RBM22: variants seen among roughly 807,000 people sequenced by gnomAD.
The protein encoded by RBM22 is pre-mRNA-splicing factor RBM22.
A neutral mutation model predicts 50.1 loss-of-function variants in RBM22; 1 was observed. The observed-to-expected ratio is 0.02, with a 90% CI of 0.01 to 0.09. The LOEUF (loss-of-function observed/expected upper bound fraction) is 0.09. RBM22 is among the 10% of genes least tolerant of loss of function. The pLI is 1.00. For missense variants in RBM22, 264 were observed against 529.3 expected (o/e 0.50, Z 4.92); for synonymous variants, 152 against 179.0 (o/e 0.85, Z 1.20).
At position 150,693,315 on chromosome 5, in the gene RBM22, A is replaced by G. The variant is rs1457643854; in HGVS notation, c.912-8T>C. 2 of 1,607,776 alleles carry G rather than the reference A, an allele frequency of 1.2e-6. No homozygotes were observed. The highest frequency in any genetic ancestry group is 2.2e-5 in the East Asian group (1 of 44,856). On this transcript the variant is annotated splice_region_variant and splice_polypyrimidine_tract_variant and intron_variant, in intron 8 of 10. Transcript: ENST00000199814. ...CCTCTGGCTGCCTGGGATCTGGGAA[A>G]CACACATGCATACAGTCGGCACTCT...
intron 3 of RBM22, 140 bp downstream of exon 3, chr5:150,699,102 T>A: frequency 1.7e-6 from 2 of 1,200,420 alleles, no homozygotes; most frequent in South Asian, 3.0e-5. Context: ...TGCCAGCCAA[T>A]GAATATATCA....
intron 4 of RBM22, chr5:150,697,790 C>T (rs963991892): frequency 1.1e-4 from 33 of 302,554 alleles, no homozygotes; most frequent in Non-Finnish European, 2.0e-4. Flanking sequence ...AAAACAGTCA[C>T]CTATGGTTAA....
At chr5:150,698,675 C>G in intron 3 of RBM22, 44 bp from the exon 4 acceptor site, 1 of 1,602,122 alleles carries the variant, frequency 6.2e-7, no homozygotes, top group Non-Finnish European at 8.5e-7. Flanking sequence ...TGGTCCTGAT[C>G]TGGGCAATCT....
intron 7 of RBM22, chr5:150,694,453 T>G: frequency 1.4e-6 from 1 of 699,634 alleles, no homozygotes; most frequent in Non-Finnish European, 2.1e-6. Context: ...TAAATAAAGG[T>G]TCTCAAACAT....
chr5:150,692,100 G>A (rs137883492), intron 10 of RBM22, among the ~76,000 whole-genome samples: 4 of 152,248 alleles, frequency 2.6e-5, no homozygotes, highest in African/African-American at 9.6e-5. Context: ...TCAAGGTATC[G>A]CCTAGTATGT....
In RBM22 at chr5:150,698,467, A is replaced by G. The variant is rs771038236; in HGVS notation, c.271+32T>C. 3.0e-5 allele frequency: 48 copies of G among 1,607,942 alleles called. 2 individuals carry two copies. The highest frequency in any genetic ancestry group is 1.8e-4 in the South Asian group (16 of 90,726). ...GACTTGTAGTTTTAGGCACCTGCAC[A>G]CTTTCAGATTTATTGGACAGGTCAA... On this transcript the variant is annotated intron_variant, in intron 4 of 10. Coordinates refer to ENST00000199814, the MANE Select transcript of RBM22 (RefSeq NM_018047.3).
At chr5:150,695,152 A>C (rs1759259238) in intron 7 of RBM22, among the ~76,000 whole-genome samples, 1 of 152,094 alleles carries the variant, frequency 6.6e-6, no homozygotes, top group Non-Finnish European at 1.5e-5. Context: ...TCAGCCTCCC[A>C]AACAGCTGGG....
rs769440097 is a variant in RBM22, at chr5:150,699,222, T to C, written c.138+20A>G. The C allele has an allele frequency of 1.3e-6, 2 of 1,583,128 alleles. No individual in the cohort carries two copies. The highest frequency in any genetic ancestry group is 4.5e-5 in the East Asian group (2 of 44,254). The stretch of plus-strand genomic sequence containing the variant: ...AGAAAAATGAAACAGAAATCATTAC[T>C]CTTTAACAGACATACTTACTTTGCA... On this transcript the variant is annotated intron_variant, in intron 3 of 10. Transcript: ENST00000199814.
intron 2 of RBM22, 75 bp from the exon 3 acceptor site, chr5:150,699,346 C>T: frequency 6.8e-7 from 1 of 1,481,144 alleles, no homozygotes; most frequent in Non-Finnish European, 9.0e-7. Context: ...TTTCCTTAAA[C>T]ATAACCCAAG....
rs745949198 is a variant in RBM22, at chr5:150,699,193, G to A, written c.138+49C>T. 5.1e-6 allele frequency: 8 copies of A among 1,559,376 alleles called. No individual in the cohort carries two copies. In the Admixed American group the frequency reaches 1.0e-4, roughly 20 times the overall value. ...GTAAGCTGAAGGCTAATTTGGTAGAGAAAAGAAAAATGAAACAGAAATCAT... is the reference window on the plus strand; with the variant it reads ...GTAAGCTGAAGGCTAATTTGGTAGAAAAAAGAAAAATGAAACAGAAATCAT... On this transcript the variant is annotated intron_variant, in intron 3 of 10. Coordinates refer to ENST00000199814, the MANE Select transcript of RBM22 (RefSeq NM_018047.3).
intron 10 of RBM22, 110 bp from the exon 11 acceptor site, chr5:150,691,991 A>C: frequency 8.3e-7 from 1 of 1,207,788 alleles, no homozygotes; most frequent in Non-Finnish European, 1.1e-6. Flanking sequence ...CAAGGTTGAC[A>C]CGGGGCTTAA....
In RBM22 at chr5:150,696,527, T is replaced by C; in HGVS notation, c.545+6A>G. The C allele has an allele frequency of 5.6e-6, 9 of 1,610,198 alleles. No individual in the cohort carries two copies. The highest frequency in any genetic ancestry group is 7.6e-6 in the Non-Finnish European group (9 of 1,178,152). Reference sequence around the variant, plus strand: ...AGCAAATACTGAAAATGAGGCTCGCTCTTGCCTGTATGGACATTCCTCTCC... The same window carrying C: ...AGCAAATACTGAAAATGAGGCTCGCCCTTGCCTGTATGGACATTCCTCTCC... On this transcript the variant is annotated splice_donor_region_variant and intron_variant, in intron 6 of 10. Coordinates refer to ENST00000199814, the MANE Select transcript of RBM22 (RefSeq NM_018047.3). The surrounding 1 kb of genome is among the most constrained non-coding windows in gnomAD (Gnocchi z 4.3).
At chr5:150,692,034 G>A (rs1489095940) in intron 10 of RBM22, among the ~76,000 whole-genome samples, 153 bp from the exon 11 acceptor site, 1 of 152,176 alleles carries the variant, frequency 6.6e-6, no homozygotes, top group Non-Finnish European at 1.5e-5. Context: ...ACTTCCACTT[G>A]TTATTTCCTT....
At chr5:150,692,319 T>G (rs762451447) in intron 10 of RBM22, among the ~76,000 whole-genome samples, 6 of 152,156 alleles carry the variant, frequency 3.9e-5, no homozygotes, top group Non-Finnish European at 7.3e-5. Flanking sequence ...TACCTGTGAT[T>G]TCCTTCCACT....
rs1182640904 is a variant in RBM22 at position 150,699,289 on chromosome 5, T to C, written c.109-18A>G. 13 of 1,558,374 alleles carry C rather than the reference T, an allele frequency of 8.3e-6. No individual in the cohort carries two copies. The highest frequency in any genetic ancestry group is 2.8e-5 in the African/African-American group (2 of 71,592). On this transcript the variant is annotated intron_variant, in intron 2 of 10. Coordinates refer to ENST00000199814, the MANE Select transcript of RBM22 (RefSeq NM_018047.3). ...TCTTTGGTCTATAATAGAAAAAAAA[T>C]AGAAAAGAACTGGAGTTACAGAAAG...
rs1242685426 is a variant in RBM22, at chr5:150,696,810, G to A, written c.353C>T (p.Thr118Ile). 1.9e-6 allele frequency: 3 copies of A among 1,614,156 alleles called. No individual in the cohort carries two copies. The highest frequency in any genetic ancestry group is 1.7e-5 in the Admixed American group (1 of 60,024). Residue 118 changes from threonine to isoleucine, a missense_variant, in exon 5 of 11, where the codon ACA (threonine) becomes ATA (isoleucine). Thr to Ile is a moderately conservative substitution (Grantham distance 89). Transcript: ENST00000199814. The surrounding 1 kb of genome is among the most constrained non-coding windows in gnomAD (Gnocchi z 4.3). ...PKSDVNKEYY[T>I]QNMEREISNS... ...GCATACCTCTCTCTCCATATTCTGT[G>A]TATAGTACTCTTTGTTGACATCTGA...
chr5:150,700,028 G>C (rs1759324803), intron 2 of RBM22, among the ~76,000 whole-genome samples: 1 of 152,172 alleles, frequency 6.6e-6, no homozygotes, highest in Non-Finnish European at 1.5e-5. Context: ...TTACTTTAAA[G>C]AGATAAAGTA....
chr5:150,693,007 TGCA>T lies in RBM22; in HGVS notation c.1017_1019del (p.Ala341del), dbSNP rs1759228870. On this transcript the variant is annotated inframe_deletion, in exon 10 of 11. Coordinates refer to ENST00000199814, the MANE Select transcript of RBM22 (RefSeq NM_018047.3). ...AGTTGGCAGAGGCTTCTTCTTCTGC[TGCA>T]GGAGGAGGAGGAAGAGCTGGAGGAG... 1 of 1,611,344 alleles carries T rather than the reference TGCA, an allele frequency of 6.2e-7. No homozygotes were observed. Among genetic ancestry groups the T allele is most frequent in the African/African-American group, 1.3e-5 (1 of 74,788 alleles).
chr5:150,697,746 A>T (rs748467471), intron 4 of RBM22: 1 of 349,760 alleles, frequency 2.9e-6, no homozygotes. Context: ...TTCCTTTAAT[A>T]GTAAAAACTC....
Sources: gnomAD v4.1 joint callset for allele counts (sites outside exome capture counted in the v4.1 genomes callset) on GRCh38, gnomAD v4.1.1 for gene constraint, Gnocchi (gnomAD v3.1) non-coding constraint, MANE v1.5 for transcripts, NCBI Gene and HGNC (gene_info 2026-07-23, HGNC 2026-07-21) for gene names.